BMP6: variants seen among roughly 807,000 people sequenced by gnomAD.
BMP6 encodes the protein VG-1-R.
Under a neutral mutation model 54.1 loss-of-function variants are expected in BMP6, and 17 were observed. The ratio of observed to expected loss-of-function variants is 0.31; its 90% CI spans 0.22 to 0.47. BMP6 has a LOEUF of 0.47. BMP6 is among the 20% of genes least tolerant of loss of function. The probability of loss-of-function intolerance (pLI) is 1.00; values close to 1 mark genes in which losing one functional copy is unlikely to be tolerated. For synonymous variants in BMP6, 328 were observed against 291.2 expected (o/e 1.13, Z -1.28); for missense variants, 720 against 690.4 (o/e 1.04, Z -0.48).
intron 1 of BMP6, among the ~76,000 whole-genome samples, chr6:7,832,456 C>G (rs1419530575): frequency 2.0e-5 from 3 of 152,080 alleles, no homozygotes; most frequent in Admixed American, 1.3e-4. Context: ...AGGCCCTCAT[C>G]AGCACCTTGG....
intron 1 of BMP6, among the ~76,000 whole-genome samples, chr6:7,787,709 A>G (rs1319419002): frequency 2.6e-5 from 4 of 152,222 alleles, no homozygotes; most frequent in Non-Finnish European, 5.9e-5. Flanking sequence ...GGTTGGCATG[A>G]AGATTCTCAA....
intron 2 of BMP6, among the ~76,000 whole-genome samples, chr6:7,847,201 A>G (rs1759079040): frequency 6.6e-6 from 1 of 152,182 alleles, no homozygotes; most frequent in South Asian, 2.1e-4. Context: ...CTCTCTATCA[A>G]AGCGGAGAGT....
intron 1 of BMP6, among the ~76,000 whole-genome samples, chr6:7,755,485 CT>C (rs1465186325): frequency 2.6e-5 from 4 of 152,120 alleles, no homozygotes; most frequent in African/African-American, 7.2e-5. Flanking sequence ...GTTCTTTGTA[CT>C]ATTGTTTTCA....
At chr6:7,772,650 A>C (rs1209246768) in intron 1 of BMP6, among the ~76,000 whole-genome samples, 1 of 152,164 alleles carries the variant, frequency 6.6e-6, no homozygotes, top group Non-Finnish European at 1.5e-5. Flanking sequence ...CTGGTTAGGC[A>C]AAACCAGAAC....
chr6:7,873,827 G>C (rs1222636003), intron 4 of BMP6, among the ~76,000 whole-genome samples: 1 of 152,084 alleles, frequency 6.6e-6, no homozygotes, highest in Non-Finnish European at 1.5e-5. Flanking sequence ...ATGTCTGCTT[G>C]ACCTGGGAAA....
intron 1 of BMP6, among the ~76,000 whole-genome samples, chr6:7,776,630 AAG>A (rs573384951): frequency 4.0e-3 from 609 of 152,292 alleles, no homozygotes; most frequent in Non-Finnish European, 6.5e-3. Context: ...TTGTCAAATT[AAG>A]AGAGTATTAG....
At chr6:7,741,747 A>G (rs1757263389) in intron 1 of BMP6, among the ~76,000 whole-genome samples, 1 of 152,202 alleles carries the variant, frequency 6.6e-6, no homozygotes, top group Non-Finnish European at 1.5e-5. Context: ...GCAGCATTCT[A>G]ATTTCTGATG....
At chr6:7,796,671 C>T (rs534440197) in intron 1 of BMP6, among the ~76,000 whole-genome samples, 3 of 152,138 alleles carry the variant, frequency 2.0e-5, no homozygotes, top group South Asian at 2.1e-4. Flanking sequence ...AGAAAAAAAG[C>T]GATACTTATA....
chr6:7,822,915 G>T (rs1581263552), intron 1 of BMP6, among the ~76,000 whole-genome samples: 1 of 113,350 alleles, frequency 8.8e-6, no homozygotes, highest in South Asian at 2.5e-4. Context: ...GTGTGTGTGT[G>T]TGTGTGTGTG....
chr6:7,867,316 A>G, intron 4 of BMP6, among the ~76,000 whole-genome samples: 1 of 152,128 alleles, frequency 6.6e-6, no homozygotes, highest in East Asian at 1.9e-4. Flanking sequence ...CTGTCCTTTA[A>G]GCTTCCCGGT....
At chr6:7,839,647 T>C (rs1474840707) in intron 1 of BMP6, among the ~76,000 whole-genome samples, 6 of 152,212 alleles carry the variant, frequency 3.9e-5, no homozygotes, top group Non-Finnish European at 7.3e-5. Flanking sequence ...TTTCCTTCCG[T>C]TTTAAGGTTG....
chr6:7,802,471 C>T (rs1020962514), intron 1 of BMP6, among the ~76,000 whole-genome samples: 2 of 152,190 alleles, frequency 1.3e-5, no homozygotes, highest in Non-Finnish European at 2.9e-5. Flanking sequence ...GTTTCCCAGA[C>T]GTTGTAATCC....
At chr6:7,770,651 T>G (rs941925663) in intron 1 of BMP6, among the ~76,000 whole-genome samples, 1 of 152,226 alleles carries the variant, frequency 6.6e-6, no homozygotes, top group African/African-American at 2.4e-5. Flanking sequence ...CCTTGTTTTC[T>G]GAACCTTTTG....
intron 1 of BMP6, among the ~76,000 whole-genome samples, chr6:7,809,951 T>TATTC (rs3031043): frequency 0.76 from 116,094 of 151,788 alleles, 44,682 homozygotes; most frequent in East Asian, 0.99. Context: ...AGAGACCACT[T>TATTC]ATATATTTAT....
chr6:7,831,757 G>A (rs1758797458), intron 1 of BMP6, among the ~76,000 whole-genome samples: 1 of 152,216 alleles, frequency 6.6e-6, no homozygotes, highest in Non-Finnish European at 1.5e-5. Flanking sequence ...GTGTTCAGCA[G>A]GTTCTCCAGC....
At chr6:7,826,760 T>TC (rs1267396131) in intron 1 of BMP6, among the ~76,000 whole-genome samples, 2 of 152,032 alleles carry the variant, frequency 1.3e-5, no homozygotes, top group Non-Finnish European at 2.9e-5. Flanking sequence ...CATGATCTTG[T>TC]CCCAAATATG....
chr6:7,768,482 A>T (rs777711328), intron 1 of BMP6, among the ~76,000 whole-genome samples: 2 of 152,052 alleles, frequency 1.3e-5, no homozygotes, highest in Non-Finnish European at 1.5e-5. Flanking sequence ...TTTCCAGGCC[A>T]TGGGTTCTGG....
At position 7,727,186 on chromosome 6, in the gene BMP6, G is replaced by A. The variant is rs371499962; in HGVS notation, c.231G>A (p.Arg77=). Residue 77 remains arginine (R), a synonymous_variant, in exon 1 of 7, where the codon CGG becomes CGA. Coordinates refer to ENST00000283147, the MANE Select transcript of BMP6 (RefSeq NM_001718.6). ...GGCGGCTCAAGACGCAGGAGAAGCG[G>A]GAGATGCAGAAGGAGATCTTGTCGG... is the stretch of plus-strand genomic sequence containing the variant. ...LYRRLKTQEK[R]EMQKEILSVL... is the part of the protein sequence containing the mutation. The A allele has an allele frequency of 1.2e-4, 199 of 1,601,988 alleles. 1 individual carries two copies. The highest frequency in any genetic ancestry group is 1.7e-4 in the Middle Eastern group (1 of 5,990).
At chr6:7,795,757 C>T (rs925284979) in intron 1 of BMP6, among the ~76,000 whole-genome samples, 1 of 151,944 alleles carries the variant, frequency 6.6e-6, no homozygotes, top group Admixed American at 6.6e-5. Flanking sequence ...GCCAGAAAAC[C>T]CCGGGGAAGT....
Sources: allele counts gnomAD v4.1 joint callset (sites outside exome capture counted in the v4.1 genomes callset), GRCh38; gene constraint gnomAD v4.1.1; transcripts MANE v1.5; gene names NCBI Gene and HGNC (gene_info 2026-07-23, HGNC 2026-07-21).